ADAMTS19: variants seen among roughly 807,000 people sequenced by gnomAD.
The protein encoded by ADAMTS19 is ADAM metallopeptidase with thrombospondin type 1 motif 19, also known as A disintegrin and metalloproteinase with thrombospondin motifs 19.
ADAMTS19 carries 93 observed loss-of-function variants against 153.3 expected under a neutral mutation model. The ratio of observed to expected loss-of-function variants is 0.61; its 90% CI spans 0.51 to 0.72. The LOEUF (loss-of-function observed/expected upper bound fraction) is 0.72, where lower values mean the gene tolerates loss of function less well. ADAMTS19 is among the 30% of genes least tolerant of loss of function. The probability of loss-of-function intolerance (pLI) is 0.00; values close to 1 mark genes in which losing one functional copy is unlikely to be tolerated. For missense variants in ADAMTS19, 1,482 were observed against 1,552.1 expected (o/e 0.95, Z 0.76); for synonymous variants, 600 against 556.6 (o/e 1.08, Z -1.10).
intron 8 of ADAMTS19, among the ~76,000 whole-genome samples, chr5:129,610,794 G>T (rs970765803): frequency 1.3e-5 from 2 of 152,044 alleles, no homozygotes; most frequent in Non-Finnish European, 2.9e-5. Flanking sequence ...TAATCCTTTG[G>T]GTATACACCC....
At chr5:129,462,367 A>C (rs1393541141) in intron 2 of ADAMTS19, among the ~76,000 whole-genome samples, 5 of 152,228 alleles carry the variant, frequency 3.3e-5, no homozygotes, top group African/African-American at 1.2e-4. Context: ...GGGTGACATT[A>C]GAATCCGATC....
chr5:129,700,476 G>A (rs1755783724), intron 19 of ADAMTS19, among the ~76,000 whole-genome samples: 1 of 152,088 alleles, frequency 6.6e-6, no homozygotes, highest in Non-Finnish European at 1.5e-5. Context: ...CCAGGTAAGA[G>A]GTCAATCACA....
intron 2 of ADAMTS19, among the ~76,000 whole-genome samples, chr5:129,473,442 T>G (rs569616867): frequency 3.1e-4 from 47 of 152,250 alleles, no homozygotes; most frequent in African/African-American, 2.2e-4. Context: ...AGGGTGTTTG[T>G]GTTGTCTGAC....
intron 21 of ADAMTS19, among the ~76,000 whole-genome samples, chr5:129,726,002 G>C (rs1443494837): frequency 6.6e-6 from 1 of 152,030 alleles, no homozygotes; most frequent in Non-Finnish European, 1.5e-5. Flanking sequence ...CTTATTTTTT[G>C]GTGGGGAAAA....
Position 129,737,004 on chromosome 5 carries a change from G to T in ADAMTS19, c.3491-63G>T, listed in dbSNP as rs1757694385. 10 of 1,405,500 alleles carry T rather than the reference G, an allele frequency of 7.1e-6. No individual in the cohort carries two copies. The South Asian group carries it at 1.6e-4, about 23-fold the overall frequency. The allele number at this position is 1,405,500 out of a possible 1,614,324, so 87.1% of individuals were successfully genotyped here. Reference sequence around the variant, plus strand: ...AATCCGCCCCACTTAAACGCTTGAAGTTGGTTTTTACTGACATATATGATA... The same window carrying T: ...AATCCGCCCCACTTAAACGCTTGAATTTGGTTTTTACTGACATATATGATA... On this transcript the variant is annotated intron_variant, in intron 22 of 22. Coordinates refer to ENST00000274487, the MANE Select transcript of ADAMTS19 (RefSeq NM_133638.6).
intron 6 of ADAMTS19, among the ~76,000 whole-genome samples, chr5:129,541,613 C>G (rs1267102721): frequency 6.6e-6 from 1 of 152,042 alleles, no homozygotes; most frequent in African/African-American, 2.4e-5. Flanking sequence ...CCCCAGACTT[C>G]TTTCTCACTG....
At chr5:129,639,538 T>G (rs1220991941) in intron 10 of ADAMTS19, among the ~76,000 whole-genome samples, 1 of 152,136 alleles carries the variant, frequency 6.6e-6, no homozygotes, top group Non-Finnish European at 1.5e-5. Flanking sequence ...ATGCTCTGAG[T>G]GTCTCAAGTG....
chr5:129,595,476 T>C (rs1375728937), intron 7 of ADAMTS19, among the ~76,000 whole-genome samples: 1 of 152,120 alleles, frequency 6.6e-6, no homozygotes, highest in Non-Finnish European at 1.5e-5. Context: ...TTTCTTACCA[T>C]TATGTTTTGT....
At chr5:129,460,834 G>T in intron 1 of ADAMTS19, 1 of 484,388 alleles carries the variant, frequency 2.1e-6, no homozygotes, top group South Asian at 4.0e-5. Flanking sequence ...TCTTTGCATC[G>T]GTTTTCTTTT....
At chr5:129,607,425 A>G (rs1750955170) in intron 8 of ADAMTS19, among the ~76,000 whole-genome samples, 1 of 152,182 alleles carries the variant, frequency 6.6e-6, no homozygotes, top group Non-Finnish European at 1.5e-5. Flanking sequence ...TCTCCAACAT[A>G]TGTTGTACAA....
chr5:129,616,555 C>T (rs199697905), intron 8 of ADAMTS19, among the ~76,000 whole-genome samples: 3 of 151,990 alleles, frequency 2.0e-5, no homozygotes, highest in East Asian at 1.9e-4. Context: ...TCCAGCTTTC[C>T]GCAGGATATC....
chr5:129,592,263 C>T (rs1446093815), intron 7 of ADAMTS19, among the ~76,000 whole-genome samples: 1 of 151,520 alleles, frequency 6.6e-6, no homozygotes, highest in African/African-American at 2.4e-5. Context: ...GCCTGTAATC[C>T]CAGCTACTTG....
At chr5:129,471,384 C>A (rs1750059993) in intron 2 of ADAMTS19, among the ~76,000 whole-genome samples, 1 of 134,918 alleles carries the variant, frequency 7.4e-6, no homozygotes, top group Non-Finnish European at 1.6e-5. Flanking sequence ...GAAAGAAAGA[C>A]AGAGAAAGAG....
chr5:129,631,161 T>G (rs779883071), intron 10 of ADAMTS19, among the ~76,000 whole-genome samples: 3,110 of 70,468 alleles, frequency 0.044, 33 homozygotes, highest in East Asian at 0.095. Context: ...AAATTTTAGG[T>G]TTTTTTTTTT....
chr5:129,527,481 T>C (rs537307779), intron 4 of ADAMTS19, among the ~76,000 whole-genome samples: 1 of 151,474 alleles, frequency 6.6e-6, no homozygotes, highest in East Asian at 1.9e-4. Flanking sequence ...TAACAACCAG[T>C]CTTTTCTAAG....
chr5:129,657,105 C>A (rs146347407), intron 14 of ADAMTS19, among the ~76,000 whole-genome samples: 1 of 152,276 alleles, frequency 6.6e-6, no homozygotes, highest in Non-Finnish European at 1.5e-5. Context: ...TCTAGACATT[C>A]TCTTTATTTC....
intron 2 of ADAMTS19, among the ~76,000 whole-genome samples, chr5:129,496,122 C>T (rs765634271): frequency 5.3e-5 from 8 of 151,926 alleles, no homozygotes; most frequent in Admixed American, 2.0e-4. Flanking sequence ...AGGGGGGGCA[C>T]ATAATTATAA....
intron 8 of ADAMTS19, among the ~76,000 whole-genome samples, chr5:129,601,175 A>G (rs925759885): frequency 9.9e-5 from 15 of 152,086 alleles, no homozygotes; most frequent in African/African-American, 2.2e-4. Context: ...CCCAGCCAGG[A>G]GTTATTATTT....
Position 129,650,492 on chromosome 5 carries a change from G to A in ADAMTS19, c.2176+1522G>A, listed in dbSNP as rs113873644. ...TATTCCACTACTAGTGGTGGTGGGG[G>A]GAAATATAGCAGCCACCAGATTACC... On this transcript the variant is annotated intron_variant, in intron 13 of 22. Coordinates refer to ENST00000274487, the MANE Select transcript of ADAMTS19 (RefSeq NM_133638.6). Among the ~76,000 whole-genome samples, 740 of 152,134 alleles carry A rather than the reference G, an allele frequency of 4.9e-3. 11 individuals are homozygous for A. Among genetic ancestry groups the A allele is most frequent in the African/African-American group, 0.017 (688 of 41,508 alleles).
Sources: gnomAD v4.1 joint callset for allele counts (sites outside exome capture counted in the v4.1 genomes callset) on GRCh38, gnomAD v4.1.1 for gene constraint, MANE v1.5 for transcripts, NCBI Gene and HGNC (gene_info 2026-07-23, HGNC 2026-07-21) for gene names.